The following PIGU variants were observed in gnomAD, a reference collection of about 807,000 sequenced individuals.
PIGU encodes phosphatidylinositol glycan anchor biosynthesis class U, also known as GPI-anchor transamidase component PIGU.
In PIGU, 24 loss-of-function variants were observed where a neutral mutation model predicts 49.9. That is an observed-to-expected ratio of 0.48 (90% CI 0.35 to 0.68). The LOEUF (loss-of-function observed/expected upper bound fraction) is 0.68, where lower values mean the gene tolerates loss of function less well. Among genes scored for constraint, PIGU ranks in the 30% least tolerant of loss-of-function variants. PIGU has a pLI of 0.01. For missense variants in PIGU, 490 were observed against 532.6 expected (o/e 0.92, Z 0.79); for synonymous variants, 220 against 205.7 (o/e 1.07, Z -0.59).
At chr20:34,561,037 C>G (rs376396267) in intron 11 of PIGU, 58 bp from the exon 12 acceptor site, 1 of 1,243,994 alleles carries the variant, frequency 8.0e-7, no homozygotes, top group East Asian at 2.5e-5. Context: ...AACCCAGGAT[C>G]CCTGAACTGC....
intron 10 of PIGU, among the ~76,000 whole-genome samples, chr20:34,577,207 C>T (rs1260148034): frequency 6.6e-6 from 1 of 152,198 alleles, no homozygotes; most frequent in African/African-American, 2.4e-5. Context: ...TCCCAGCAGA[C>T]ACTTAATGAA....
intron 1 of PIGU, among the ~76,000 whole-genome samples, chr20:34,667,896 A>G (rs75849659): frequency 3.3e-5 from 5 of 152,126 alleles, no homozygotes; most frequent in East Asian, 3.9e-4. Context: ...CAGACACTAC[A>G]TTAACCAAGG....
At chr20:34,650,559 G>A (rs1024808787) in intron 2 of PIGU, among the ~76,000 whole-genome samples, 5 of 151,480 alleles carry the variant, frequency 3.3e-5, no homozygotes, top group Non-Finnish European at 5.9e-5. Flanking sequence ...GTGAGCCACT[G>A]CATCCGGCTG....
chr20:34,565,345 C>A (rs772735896), intron 11 of PIGU, among the ~76,000 whole-genome samples: 1 of 151,974 alleles, frequency 6.6e-6, no homozygotes, highest in Non-Finnish European at 1.5e-5. Flanking sequence ...GCAACCTCCG[C>A]GGTTCAAGTG....
At chr20:34,612,072 C>T (rs1984836495) in intron 7 of PIGU, among the ~76,000 whole-genome samples, 1 of 152,126 alleles carries the variant, frequency 6.6e-6, no homozygotes, top group South Asian at 2.1e-4. Flanking sequence ...ATGTTTACTG[C>T]AGCACTACTT....
intron 1 of PIGU, among the ~76,000 whole-genome samples, chr20:34,668,424 T>C (rs999404853): frequency 7.4e-5 from 9 of 121,018 alleles, no homozygotes; most frequent in Admixed American, 1.2e-4. Flanking sequence ...ATCTCGCCAC[T>C]GCACTCCAGC....
intron 2 of PIGU, among the ~76,000 whole-genome samples, chr20:34,646,366 A>C (rs936260844): frequency 6.6e-6 from 1 of 152,194 alleles, no homozygotes; most frequent in African/African-American, 2.4e-5. Context: ...TAAAGCAATA[A>C]AGTTTCCTAT....
At chr20:34,676,773 G>T (rs1987515503) in intron 1 of PIGU, among the ~76,000 whole-genome samples, 183 bp downstream of exon 1, 1 of 151,312 alleles carries the variant, frequency 6.6e-6, no homozygotes, top group Non-Finnish European at 1.5e-5. Flanking sequence ...CCACGCCCCG[G>T]TCCCCACGCC....
At chr20:34,644,804 G>A (rs938365849) in intron 3 of PIGU, among the ~76,000 whole-genome samples, 1 of 152,010 alleles carries the variant, frequency 6.6e-6, no homozygotes, top group Non-Finnish European at 1.5e-5. Flanking sequence ...AATTCAGAAT[G>A]CCCTCCACGC....
At chr20:34,668,831 T>C (rs1347181874) in intron 1 of PIGU, among the ~76,000 whole-genome samples, 4 of 138,942 alleles carry the variant, frequency 2.9e-5, no homozygotes, top group East Asian at 2.1e-4. Flanking sequence ...TATTAGATCA[T>C]AGAACAGAAA....
chr20:34,584,828 T>C (rs1341180723), intron 9 of PIGU, among the ~76,000 whole-genome samples: 1 of 151,728 alleles, frequency 6.6e-6, no homozygotes, highest in Non-Finnish European at 1.5e-5. Context: ...GCTGGGACTA[T>C]AGGCACCCGC....
chr20:34,670,154 G>A (rs1987261655), intron 1 of PIGU, among the ~76,000 whole-genome samples: 2 of 149,988 alleles, frequency 1.3e-5, no homozygotes, highest in South Asian at 2.1e-4. Flanking sequence ...ACATTGTTAT[G>A]TGTGTCTTAC....
rs1009694739 is a variant in PIGU at position 34,676,939 on chromosome 20, C to T, written c.130+17G>A. 5 of 1,561,660 alleles carry T rather than the reference C, an allele frequency of 3.2e-6. No homozygotes were observed. In the African/African-American group the frequency reaches 5.4e-5, roughly 17 times the overall value. ...GGCAGGTGGGGCCTGACAGTCTGCTCGAGCCAGTGGCCTCACCTCTCTTCC... is the reference window on the plus strand; with the variant it reads ...GGCAGGTGGGGCCTGACAGTCTGCTTGAGCCAGTGGCCTCACCTCTCTTCC... On this transcript the variant is annotated intron_variant, in intron 1 of 11. Transcript: ENST00000217446.
chr20:34,563,741 G>GTA (rs1982628197), intron 11 of PIGU, among the ~76,000 whole-genome samples: 5 of 151,864 alleles, frequency 3.3e-5, no homozygotes, highest in Non-Finnish European at 7.4e-5. Flanking sequence ...AAGCCTAGGG[G>GTA]GGTCTAGACT....
At chr20:34,565,751 ACACT>A (rs1185356316) in intron 11 of PIGU, among the ~76,000 whole-genome samples, 6 of 151,408 alleles carry the variant, frequency 4.0e-5, no homozygotes, top group Non-Finnish European at 5.9e-5. Context: ...ACACACACGC[ACACT>A]CACACTGCTC....
At chr20:34,621,686 T>C (rs1237868055) in intron 6 of PIGU, among the ~76,000 whole-genome samples, 2 of 152,156 alleles carry the variant, frequency 1.3e-5, no homozygotes, top group East Asian at 1.9e-4. Flanking sequence ...AGGAATGATA[T>C]GTGCTTGGGG....
intron 7 of PIGU, among the ~76,000 whole-genome samples, chr20:34,601,200 G>A (rs1194691839): frequency 6.6e-6 from 1 of 152,110 alleles, no homozygotes; most frequent in Non-Finnish European, 1.5e-5. Flanking sequence ...TGTTAGACTG[G>A]AAAATGATTT....
intron 2 of PIGU, among the ~76,000 whole-genome samples, chr20:34,647,410 C>T (rs377246220): frequency 8.6e-5 from 13 of 151,832 alleles, no homozygotes; most frequent in South Asian, 2.1e-4. Flanking sequence ...TACAGCCGCG[C>T]GCCACCACAC....
At chr20:34,615,221 C>G (rs1005097441) in intron 7 of PIGU, among the ~76,000 whole-genome samples, 2 of 152,206 alleles carry the variant, frequency 1.3e-5, no homozygotes, top group Non-Finnish European at 2.9e-5. Context: ...ACGATGCCTA[C>G]AGAGTGCTTA....
Sources: allele counts gnomAD v4.1 joint callset (sites outside exome capture counted in the v4.1 genomes callset), GRCh38; gene constraint gnomAD v4.1.1; transcripts MANE v1.5; gene names NCBI Gene and HGNC (gene_info 2026-07-23, HGNC 2026-07-21).